KIF5C: variants seen among roughly 807,000 people sequenced by gnomAD.
KIF5C encodes kinesin heavy chain isoform 5C.
KIF5C carries 18 observed loss-of-function variants against 125.2 expected under a neutral mutation model. The observed-to-expected ratio is 0.14, with a 90% confidence interval of 0.10 to 0.21. KIF5C has a LOEUF of 0.21. Ranked by LOEUF, KIF5C falls within the 10% of genes least tolerant of loss-of-function variation. The probability of loss-of-function intolerance (pLI) is 1.00; values close to 1 mark genes in which losing one functional copy is unlikely to be tolerated. For missense variants in KIF5C, 780 were observed against 1,183.8 expected (o/e 0.66, Z 5.01); for synonymous variants, 405 against 434.0 (o/e 0.93, Z 0.83).
intron 10 of KIF5C, among the ~76,000 whole-genome samples, chr2:148,959,841 C>T (rs1424301610): frequency 1.3e-5 from 2 of 152,160 alleles, no homozygotes; most frequent in African/African-American, 4.8e-5. Context: ...TATTTCCTGG[C>T]TTCTTCCCTG....
At chr2:148,907,693 C>T (rs1024858749) in intron 1 of KIF5C, among the ~76,000 whole-genome samples, 5 of 152,162 alleles carry the variant, frequency 3.3e-5, no homozygotes, top group Non-Finnish European at 5.9e-5. Flanking sequence ...GGAGGTGAGG[C>T]GAGAGCATGT....
Position 148,992,964 on chromosome 2 carries a change from C to A in KIF5C, c.1906-1457C>A, listed in dbSNP as rs926350366. Among the ~76,000 whole-genome samples the A allele has an allele frequency of 3.9e-5, 6 of 152,328 alleles. No individual in the cohort carries two copies. The East Asian group carries it at 1.2e-3, about 29-fold the overall frequency. On this transcript the variant is annotated intron_variant, in intron 16 of 25. Transcript: ENST00000435030. The stretch of plus-strand genomic sequence containing the variant: ...TGGAGACCCCATGGCCTGCAGCCCA[C>A]CCTCTTCTCTTTCAAGCTGGACATA...
intron 10 of KIF5C, among the ~76,000 whole-genome samples, chr2:148,951,040 T>C (rs1343561878): frequency 6.6e-6 from 1 of 152,202 alleles, no homozygotes; most frequent in African/African-American, 2.4e-5. Context: ...AGATGTGAAT[T>C]GGAAATGCAT....
At chr2:148,894,037 CT>C (rs895024678) in intron 1 of KIF5C, among the ~76,000 whole-genome samples, 14 of 152,204 alleles carry the variant, frequency 9.2e-5, no homozygotes, top group African/African-American at 3.4e-4. Flanking sequence ...CATACACACA[CT>C]GGGAATACAG....
rs531515847 is a variant in KIF5C, at chr2:149,013,684, T to C, written c.*7+2001T>C. ...GTATGTGTGTTTCCCAGCAAGGCCT[T>C]ACTAAATATACTGGTCCAGGGATTC... On this transcript the variant is annotated intron_variant, in intron 25 of 25. Coordinates refer to ENST00000435030, the MANE Select transcript of KIF5C (RefSeq NM_004522.3). 6.6e-5 allele frequency among the ~76,000 whole-genome samples: 10 copies of C among 152,294 alleles called. No homozygotes were observed. In the East Asian group the frequency reaches 1.9e-3, roughly 29 times the overall value.
At chr2:148,970,067 A>G (rs1214736527) in intron 11 of KIF5C, among the ~76,000 whole-genome samples, 1 of 152,192 alleles carries the variant, frequency 6.6e-6, no homozygotes, top group Non-Finnish European at 1.5e-5. Flanking sequence ...TAAACTGAAA[A>G]GAGCTGGTTG....
At position 148,967,539 on chromosome 2, in the gene KIF5C, A is replaced by T. The variant is rs557220308; in HGVS notation, c.1117+5420A>T. ...GCAGGGCACTTTGATACATTGTCTG[A>T]TGAAGACTGCATGCAGTTTAGGGGG... On this transcript the variant is annotated intron_variant, in intron 11 of 25. Coordinates refer to ENST00000435030, the MANE Select transcript of KIF5C (RefSeq NM_004522.3). Among the ~76,000 whole-genome samples the T allele has an allele frequency of 3.9e-5, 6 of 152,342 alleles. No homozygotes were observed. In the South Asian group the frequency reaches 1.2e-3, roughly 32 times the overall value.
At chr2:148,887,353 G>A (rs1030481461) in intron 1 of KIF5C, among the ~76,000 whole-genome samples, 3 of 151,686 alleles carry the variant, frequency 2.0e-5, no homozygotes, top group South Asian at 2.1e-4. Context: ...ACATTTAGAT[G>A]TGATATTCTG....
At chr2:148,965,132 G>A (rs1683017866) in intron 11 of KIF5C, among the ~76,000 whole-genome samples, 2 of 152,176 alleles carry the variant, frequency 1.3e-5, no homozygotes. Context: ...GATGCTGGAG[G>A]AGAACCAGGG....
intron 7 of KIF5C, among the ~76,000 whole-genome samples, chr2:148,944,255 C>T (rs1052955841): frequency 6.6e-6 from 1 of 152,156 alleles, no homozygotes; most frequent in Non-Finnish European, 1.5e-5. Flanking sequence ...TGTGCAATGT[C>T]ACCACCTTCC....
intron 19 of KIF5C, among the ~76,000 whole-genome samples, chr2:148,999,734 G>A (rs891035990): frequency 2.6e-5 from 4 of 152,218 alleles, no homozygotes; most frequent in Non-Finnish European, 5.9e-5. Flanking sequence ...GGTGGAGGGG[G>A]AAGCTTCCCT....
At chr2:148,960,372 T>A (rs114044775) in intron 10 of KIF5C, among the ~76,000 whole-genome samples, 304 of 152,344 alleles carry the variant, frequency 2.0e-3, no homozygotes, top group African/African-American at 7.0e-3. Context: ...TTTTTCACTT[T>A]TTGCCTTACT....
chr2:148,954,427 G>A (rs558601246), intron 10 of KIF5C, among the ~76,000 whole-genome samples: 60 of 152,086 alleles, frequency 3.9e-4, no homozygotes, highest in Non-Finnish European at 7.2e-4. Flanking sequence ...CTTTTACAGC[G>A]CTATTTGAAA....
chr2:148,945,720 T>C (rs1055127191), intron 7 of KIF5C, among the ~76,000 whole-genome samples: 3 of 152,118 alleles, frequency 2.0e-5, no homozygotes, highest in Non-Finnish European at 4.4e-5. Flanking sequence ...ACCCTTCCCC[T>C]CAAGTCCCCA....
At chr2:148,973,660 C>A in intron 12 of KIF5C, 149 bp downstream of exon 12, 3 of 1,204,876 alleles carry the variant, frequency 2.5e-6, no homozygotes, top group Non-Finnish European at 3.3e-6. Context: ...GGTGCAGATT[C>A]AGGGAGTTTG....
At chr2:148,961,397 A>G (rs1682923318) in intron 10 of KIF5C, among the ~76,000 whole-genome samples, 1 of 152,150 alleles carries the variant, frequency 6.6e-6, no homozygotes, top group African/African-American at 2.4e-5. Flanking sequence ...TGTTGATGTG[A>G]TAAATACATC....
At chr2:148,880,047 C>A (rs1276537704) in intron 1 of KIF5C, among the ~76,000 whole-genome samples, 1 of 152,166 alleles carries the variant, frequency 6.6e-6, no homozygotes, top group Non-Finnish European at 1.5e-5. Flanking sequence ...TAAAACTTTT[C>A]TTCTTTCCAC....
In KIF5C at chr2:148,991,054, C is replaced by T; in HGVS notation, c.1761C>T (p.Ala587=). The T allele has an allele frequency of 6.2e-7, 1 of 1,613,724 alleles. No homozygotes were observed. Among genetic ancestry groups the T allele is most frequent in the Non-Finnish European group, 8.5e-7 (1 of 1,179,790 alleles). Residue 587 remains alanine, a synonymous_variant, in exon 16 of 26, where the codon GCC becomes GCT. Transcript: ENST00000435030. Reference sequence around the variant, plus strand: ...TCATTGAGGAGGAGTTTACCATGGCCCGCCTGTACATCAGCAAGATGAAGT... The same window carrying T: ...TCATTGAGGAGGAGTTTACCATGGCTCGCCTGTACATCAGCAAGATGAAGT... The part of the protein sequence containing the change: ...NGVIEEEFTM[A]RLYISKMKSE...
intron 23 of KIF5C, 119 bp downstream of exon 23, chr2:149,008,186 C>CT: frequency 7.9e-7 from 1 of 1,265,276 alleles, no homozygotes; most frequent in Non-Finnish European, 1.0e-6. Context: ...GAACTGTACA[C>CT]TATCAGAGGA....
Sources: gnomAD v4.1 joint callset for allele counts (sites outside exome capture counted in the v4.1 genomes callset) on GRCh38, gnomAD v4.1.1 for gene constraint, MANE v1.5 for transcripts, NCBI Gene and HGNC (gene_info 2026-07-23, HGNC 2026-07-21) for gene names.